The following TMC5 variants were observed in gnomAD, a reference collection of about 807,000 sequenced individuals.
TMC5 encodes transmembrane channel like 5.
In TMC5, 86 loss-of-function variants were observed where a neutral mutation model predicts 110.5. The ratio of observed to expected loss-of-function variants is 0.78; its 90% confidence interval spans 0.65 to 0.93. The LOEUF is 0.93. Among genes scored for constraint, TMC5 ranks in the 40% least tolerant of loss-of-function variants. TMC5 has a pLI of 0.00. For synonymous variants in TMC5, 455 were observed against 439.5 expected (o/e 1.04, Z -0.44); for missense variants, 1,144 against 1,222.8 (o/e 0.94, Z 0.96).
chr16:19,419,426 T>A (rs1264699829), intron 1 of TMC5, among the ~76,000 whole-genome samples: 1 of 141,940 alleles, frequency 7.0e-6, no homozygotes, highest in African/African-American at 2.6e-5. Flanking sequence ...TTTTTTTTTT[T>A]TTTTGAGACA....
At chr16:19,460,907 G>T (rs1968005396) in intron 6 of TMC5, among the ~76,000 whole-genome samples, 1 of 152,188 alleles carries the variant, frequency 6.6e-6, no homozygotes, top group South Asian at 2.1e-4. Flanking sequence ...TGTAATCCCA[G>T]CATTTTGGGA....
rs950340421 is a variant in TMC5, at chr16:19,490,307, G to A, written c.2574-88G>A. On this transcript the variant is annotated intron_variant, in intron 17 of 21. Transcript: ENST00000542583. ...ATCAGGCAAGACTTGATGTTTTCAG[G>A]CCCAGAGCCCAGAAGGGACACCCTG... 3 of 1,330,168 alleles carry A rather than the reference G, an allele frequency of 2.3e-6. No homozygotes were observed. The African/African-American group carries it at 4.3e-5, about 19-fold the overall frequency. 82.4% of individuals were successfully genotyped at this position (1,330,168 alleles called of 1,614,324 possible). A position where few individuals can be genotyped will look rare whatever the true frequency, so the allele number is the denominator to read the frequency against.
At position 19,463,799 on chromosome 16, in the gene TMC5, C is replaced by A. The variant is rs1362707736; in HGVS notation, c.1260C>A (p.Ser420Arg). 2.5e-6 allele frequency: 4 copies of A among 1,614,126 alleles called. No homozygotes were observed. The South Asian group carries it at 3.3e-5, about 13-fold the overall frequency. ...AGGCTTATCGGAGATCCAAGAACAG[C>A]CTGTCGGAAATTCTGAATTCCATCA... ...ISRAYRRSKN[S>R]LSEILNSISL... The change falls in exon 8 of 22, where the codon AGC (serine) becomes AGA (arginine). Residue 420 changes from serine to arginine, a missense_variant. Ser to Arg is a moderately radical substitution (Grantham distance 110). Coordinates refer to ENST00000542583, the MANE Select transcript of TMC5 (RefSeq NM_001261841.2).
intron 2 of TMC5, among the ~76,000 whole-genome samples, chr16:19,436,199 C>A (rs756697032): frequency 7.5e-6 from 1 of 132,830 alleles, no homozygotes; most frequent in African/African-American, 2.9e-5. Flanking sequence ...GATGGGGGTG[C>A]GGAAGTTGTG....
chr16:19,479,222 G>A (rs3743958), intron 13 of TMC5, among the ~76,000 whole-genome samples: 13,026 of 152,138 alleles, frequency 0.086, 849 homozygotes, highest in African/African-American at 0.17. Context: ...CTTTAATGGG[G>A]GAAAGAAGGA....
chr16:19,466,873 CG>C (rs1039169838), intron 9 of TMC5, among the ~76,000 whole-genome samples: 17 of 152,092 alleles, frequency 1.1e-4, no homozygotes, highest in South Asian at 2.1e-4. Context: ...AGGCTGGGCA[CG>C]GTGCTCATGC....
intron 5 of TMC5, among the ~76,000 whole-genome samples, chr16:19,459,664 C>T (rs1967970296): frequency 6.6e-6 from 1 of 152,014 alleles, no homozygotes; most frequent in South Asian, 2.1e-4. Context: ...TGCCTGTAGT[C>T]CCAGCTACTC....
chr16:19,489,016 G>C (rs977387665), intron 17 of TMC5, among the ~76,000 whole-genome samples: 11 of 147,082 alleles, frequency 7.5e-5, no homozygotes, highest in Non-Finnish European at 1.5e-4. Flanking sequence ...GCTCCTCTTG[G>C]CATATCCACT....
At chr16:19,487,752 TAA>T (rs1197843216) in intron 17 of TMC5, 1 of 134,706 alleles carries the variant, frequency 7.4e-6, no homozygotes, top group African/African-American at 3.0e-5. Context: ...AATAAATAAA[TAA>T]ATAATGTAGG....
At chr16:19,457,079 G>A in intron 5 of TMC5, 2 of 1,416,600 alleles carry the variant, frequency 1.4e-6, no homozygotes, top group Non-Finnish European at 1.9e-6. Flanking sequence ...GTTGTCCACA[G>A]CATATTTTAC....
intron 1 of TMC5, among the ~76,000 whole-genome samples, chr16:19,425,182 T>C (rs1967065407): frequency 6.6e-6 from 1 of 152,056 alleles, no homozygotes; most frequent in South Asian, 2.1e-4. Context: ...ATATCACAAG[T>C]AGATTATAAA....
intron 17 of TMC5, among the ~76,000 whole-genome samples, chr16:19,488,795 T>C (rs1968813803): frequency 6.6e-6 from 1 of 152,082 alleles, no homozygotes; most frequent in Non-Finnish European, 1.5e-5. Flanking sequence ...CTTTAATTGT[T>C]ACTCAACGAT....
intron 19 of TMC5, 46 bp from the exon 20 acceptor site, chr16:19,494,216 C>G (rs776112371): frequency 2.2e-5 from 32 of 1,444,650 alleles, no homozygotes; most frequent in Non-Finnish European, 3.1e-5. Context: ...TACCATCATT[C>G]ATTCATATTT....
Position 19,442,325 on chromosome 16 carries a change from A to AT in TMC5, c.788+1520dup, listed in dbSNP as rs143016414. The stretch of plus-strand genomic sequence containing the variant: ...ATGTTCACGTTGCCAACAAAATGTA[A>AT]TTTTTTTTTTTTTTTTTTTTTGAGA... On this transcript the variant is annotated intron_variant, in intron 3 of 21. Coordinates refer to ENST00000542583, the MANE Select transcript of TMC5 (RefSeq NM_001261841.2). Among the ~76,000 whole-genome samples, 1,000 of 123,432 alleles carry AT rather than the reference A, an allele frequency of 8.1e-3. 8 individuals carry two copies. The highest frequency in any genetic ancestry group is 0.012 in the Middle Eastern group (3 of 242). 81.0% of individuals were successfully genotyped at this position (123,432 alleles called of 152,430 possible).
chr16:19,498,049 T>TAGG lies in TMC5; in HGVS notation c.*85_*87dup. On this transcript the variant is annotated 3_prime_UTR_variant, in exon 22 of 22. Transcript: ENST00000542583. The stretch of plus-strand genomic sequence containing the variant: ...ATTTCTTCCATGCCACCTGTGCCTT[T>TAGG]AGGAACTGCCCAGAAGAAAATCCAA... 2 of 1,354,310 alleles carry TAGG rather than the reference T, an allele frequency of 1.5e-6. No individual in the cohort carries two copies. The highest frequency in any genetic ancestry group is 2.1e-6 in the Non-Finnish European group (2 of 943,886). The allele number at this position is 1,354,310 out of a possible 1,614,324, so 83.9% of individuals were successfully genotyped here.
chr16:19,468,969 G>A (rs148263330), intron 9 of TMC5, among the ~76,000 whole-genome samples: 553 of 152,260 alleles, frequency 3.6e-3, no homozygotes, highest in Non-Finnish European at 6.3e-3. Flanking sequence ...TCTAGCCTGG[G>A]CCACACAGCA....
At position 19,473,257 on chromosome 16, in the gene TMC5, A is replaced by G. The variant is rs1480831686; in HGVS notation, c.1939-868A>G. ...GCTACTCGGGAGGCTAAGGCAGGAG[A>G]ATCACTTGAACCTCGGAGGCAGAGG... On this transcript the variant is annotated intron_variant, in intron 11 of 21. Coordinates refer to ENST00000542583, the MANE Select transcript of TMC5 (RefSeq NM_001261841.2). 2.7e-5 allele frequency among the ~76,000 whole-genome samples: 4 copies of G among 148,998 alleles called. No individual in the cohort carries two copies. The East Asian group carries it at 8.1e-4, about 30-fold the overall frequency.
Position 19,493,445 on chromosome 16 carries a change from G to GTC in TMC5, c.2827-797_2827-796dup, listed in dbSNP as rs758091886. Among the ~76,000 whole-genome samples, 154 of 58,302 alleles carry GTC rather than the reference G, an allele frequency of 2.6e-3. 3 individuals are homozygous for GTC. In the East Asian group the frequency reaches 0.048, roughly 18 times the overall value. 38.2% of individuals were successfully genotyped at this position (58,302 alleles called of 152,430 possible). On this transcript the variant is annotated intron_variant, in intron 19 of 21. Transcript: ENST00000542583. ...GGGGTACATGTTGCATTTGGTTAATGTCTCTCTCTCTCTCTCTCTCTTTTT... is the reference window on the plus strand; with the variant it reads ...GGGGTACATGTTGCATTTGGTTAATGTCTCTCTCTCTCTCTCTCTCTCTTTTT...
At chr16:19,454,705 C>A (rs1166950089) in intron 5 of TMC5, among the ~76,000 whole-genome samples, 1 of 152,152 alleles carries the variant, frequency 6.6e-6, no homozygotes, top group Non-Finnish European at 1.5e-5. Flanking sequence ...CTCTCTGCAC[C>A]TCAATTTCTA....
Sources: gnomAD v4.1 joint callset for allele counts (sites outside exome capture counted in the v4.1 genomes callset) on GRCh38, gnomAD v4.1.1 for gene constraint, MANE v1.5 for transcripts, NCBI Gene and HGNC (gene_info 2026-07-23, HGNC 2026-07-21) for gene names.